Variants in CDCP1 observed in about 807,000 individuals in gnomAD.
CDCP1 encodes the protein CUB domain containing protein 1, also known as CUB domain-containing protein 1.
Under a neutral mutation model 60.2 loss-of-function variants are expected in CDCP1, and 29 were observed. That is an observed-to-expected ratio of 0.48 (90% CI 0.36 to 0.66). CDCP1 has a LOEUF of 0.66. Ranked by LOEUF, CDCP1 falls within the 30% of genes least tolerant of loss-of-function variation. The pLI is 0.00. For synonymous variants in CDCP1, 387 were observed against 431.1 expected, an observed-to-expected ratio of 0.90 and a Z score of 1.27; for missense variants, 876 against 1,074.3, an observed-to-expected ratio of 0.82 and a Z score of 2.58.
Position 45,118,399 on chromosome 3 carries a change from A to G in CDCP1, c.292+13T>C. On this transcript the variant is annotated intron_variant, in intron 2 of 8. Coordinates refer to ENST00000296129, the MANE Select transcript of CDCP1 (RefSeq NM_022842.5). ...AAAAGACATTGTCAAACAGCTCACA[A>G]GTGTCTACTTACCAATATTTTTCTG... 2 of 1,590,490 alleles carry G rather than the reference A, an allele frequency of 1.3e-6. No individual in the cohort carries two copies. The highest frequency in any genetic ancestry group is 1.7e-6 in the Non-Finnish European group (2 of 1,158,392).
intron 2 of CDCP1, among the ~76,000 whole-genome samples, chr3:45,117,628 G>A (rs999223059): frequency 3.5e-5 from 5 of 143,208 alleles, no homozygotes; most frequent in South Asian, 2.2e-4. Context: ...ACGTAGTCTC[G>A]CTCTGTCACC....
chr3:45,111,046 G>A (rs372323749), intron 3 of CDCP1, among the ~76,000 whole-genome samples: 13 of 152,134 alleles, frequency 8.5e-5, no homozygotes, highest in African/African-American at 2.7e-4. Flanking sequence ...ATTAAAAACC[G>A]GTCCAGTGGT....
At chr3:45,125,571 G>A (rs1390783731) in intron 1 of CDCP1, among the ~76,000 whole-genome samples, 1 of 152,224 alleles carries the variant, frequency 6.6e-6, no homozygotes, top group Non-Finnish European at 1.5e-5. Flanking sequence ...TGTTAGTATT[G>A]TTGATATTAT....
In CDCP1 at chr3:45,091,210, G is replaced by T; in HGVS notation, c.1956C>A (p.Asp652Glu). The change falls in exon 7 of 9, where the codon GAC becomes GAA. Residue 652 changes from aspartate to glutamate, a missense_variant. By Grantham distance (45) the Asp-to-Glu change is conservative. This residue lies in a region of CDCP1 where 726 missense variants were observed against 935.7 expected (regional missense o/e 0.78). Transcript: ENST00000296129. The surrounding 1 kb of genome is among the most constrained non-coding windows in gnomAD (Gnocchi z 4.8). ...NCSPTSGKQL[D>E]LLFSVTLTPR... is the part of the protein sequence containing the mutation. ...GGGTAAGTGTCACCGAGAAGAGCAG[G>T]TCTAGCTGCTTGCCGCTCGTGGGGC... 1 of 1,613,848 alleles carries T rather than the reference G, an allele frequency of 6.2e-7. No homozygotes were observed. The highest frequency in any genetic ancestry group is 8.5e-7 in the Non-Finnish European group (1 of 1,180,012).
At position 45,093,480 on chromosome 3, in the gene CDCP1, G is replaced by T. The variant is rs557807111; in HGVS notation, c.1424C>A (p.Pro475His). 5 of 1,614,074 alleles carry T rather than the reference G, an allele frequency of 3.1e-6. No homozygotes were observed. Among genetic ancestry groups the T allele is most frequent in the Non-Finnish European group, 8.5e-7 (1 of 1,179,928 alleles). Residue 475 changes from proline (P) to histidine (H), a missense_variant, in exon 6 of 9, where the codon CCC becomes CAC. By Grantham distance (77) the Pro-to-His change is moderately conservative (BLOSUM62 -2). Coordinates refer to ENST00000296129, the MANE Select transcript of CDCP1 (RefSeq NM_022842.5). ...QKLQQHTHEK[P>H]CNTSFSYLVA... ...GAGGTAGCTGAAGCTGGTGTTGCAG[G>T]GCTTCTCGTGTGTATGCTGCTGCAG... is the stretch of plus-strand genomic sequence containing the variant.
intron 2 of CDCP1, among the ~76,000 whole-genome samples, chr3:45,118,037 C>G (rs1029388393): frequency 6.6e-6 from 1 of 152,160 alleles, no homozygotes; most frequent in African/African-American, 2.4e-5. Context: ...CATCACAGAC[C>G]TGAAGATCTG....
At chr3:45,090,200 C>T (rs976737411) in intron 7 of CDCP1, among the ~76,000 whole-genome samples, 2 of 152,126 alleles carry the variant, frequency 1.3e-5, no homozygotes, top group African/African-American at 4.8e-5. Flanking sequence ...CACTCTGACC[C>T]CCAGAAAGGG....
At chr3:45,125,799 C>T (rs1559398556) in intron 1 of CDCP1, among the ~76,000 whole-genome samples, 1 of 152,216 alleles carries the variant, frequency 6.6e-6, no homozygotes, top group Non-Finnish European at 1.5e-5. Context: ...GTATGAGTGC[C>T]TCCTTAAATT....
At chr3:45,107,628 A>C (rs550773160) in intron 4 of CDCP1, among the ~76,000 whole-genome samples, 3 of 152,262 alleles carry the variant, frequency 2.0e-5, no homozygotes, top group Non-Finnish European at 4.4e-5. Flanking sequence ...CAACACCCCG[A>C]TGAGGACAGT....
intron 8 of CDCP1, among the ~76,000 whole-genome samples, chr3:45,086,921 C>A (rs2125988295): frequency 6.6e-6 from 1 of 152,306 alleles, no homozygotes; most frequent in African/African-American, 2.4e-5. Flanking sequence ...CCATATAAGG[C>A]ACAGGCTGGC....
chr3:45,145,547 G>T (rs149980683), intron 1 of CDCP1, among the ~76,000 whole-genome samples: 16 of 152,312 alleles, frequency 1.1e-4, no homozygotes, highest in African/African-American at 3.6e-4. Context: ...AGGGGCGCGG[G>T]AATGTCCAGT....
chr3:45,140,891 TA>T lies in CDCP1; in HGVS notation c.82+5314del, dbSNP rs1182733459. Among the ~76,000 whole-genome samples the T allele has an allele frequency of 2.0e-5, 3 of 152,188 alleles. No homozygotes were observed. In the East Asian group the frequency reaches 5.8e-4, roughly 29 times the overall value. On this transcript the variant is annotated intron_variant, in intron 1 of 8. Coordinates refer to ENST00000296129, the MANE Select transcript of CDCP1 (RefSeq NM_022842.5). ...AGAAAGTCTTTACTTATATTCCAAA[TA>T]CACTAGGATCAAGAATGTCAGGATC... is the stretch of plus-strand genomic sequence containing the variant.
chr3:45,132,120 C>T (rs1005623758), intron 1 of CDCP1, among the ~76,000 whole-genome samples: 2 of 151,940 alleles, frequency 1.3e-5, no homozygotes, highest in African/African-American at 2.4e-5. Context: ...CCTGTAATCC[C>T]AGCTACTCGG....
intron 4 of CDCP1, among the ~76,000 whole-genome samples, chr3:45,108,681 CT>C (rs1254524639): frequency 7.2e-6 from 1 of 138,646 alleles, no homozygotes; most frequent in Non-Finnish European, 1.6e-5. Flanking sequence ...CACACACACA[CT>C]ATATATATAT....
At chr3:45,107,593 A>G (rs1056658075) in intron 4 of CDCP1, among the ~76,000 whole-genome samples, 9 of 152,144 alleles carry the variant, frequency 5.9e-5, no homozygotes, top group Admixed American at 2.6e-4. Context: ...CCTGCCAGGC[A>G]CTGTGCTACC....
chr3:45,111,986 T>C, intron 3 of CDCP1, 97 bp downstream of exon 3: 2 of 1,427,698 alleles, frequency 1.4e-6, no homozygotes, highest in Non-Finnish European at 1.9e-6. Context: ...TTATATTGAG[T>C]ATTAGAGATT....
intron 3 of CDCP1, among the ~76,000 whole-genome samples, chr3:45,111,403 C>A (rs1297088747): frequency 6.6e-6 from 1 of 152,224 alleles, no homozygotes; most frequent in Admixed American, 6.5e-5. Flanking sequence ...CTGCCAGGTG[C>A]AGTGGCTCAT....
At position 45,121,049 on chromosome 3, in the gene CDCP1, C is replaced by T. The variant is rs550360446; in HGVS notation, c.83-2428G>A. On this transcript the variant is annotated intron_variant, in intron 1 of 8. Transcript: ENST00000296129. ...GCCTGATCCCCACGAGGAGACAAAA[C>T]GTTTTAAGCCCCAAAACAACTCCAT... 5.3e-4 allele frequency among the ~76,000 whole-genome samples: 81 copies of T among 152,286 alleles called. 1 individual carries two copies. Among genetic ancestry groups the T allele is most frequent in the African/African-American group, 1.7e-3 (72 of 41,570 alleles).
chr3:45,089,089 A>G lies in CDCP1; in HGVS notation c.2046T>C (p.Ser682=), dbSNP rs1698247611. ...CACAGCAAATGATGAGCCCGAGGGC[A>G]GACAGCAGTAAGACTCCACCTCCCA... The part of the protein sequence containing the change: ...AAVGGGVLLL[S]ALGLIICCVK... The change falls in exon 8 of 9, where the codon TCT becomes TCC. Residue 682 remains serine, a synonymous_variant. Transcript: ENST00000296129. 6.2e-7 allele frequency: 1 copy of G among 1,614,090 alleles called. No homozygotes were observed. The highest frequency in any genetic ancestry group is 1.3e-5 in the African/African-American group (1 of 74,940).
Sources: allele counts gnomAD v4.1 joint callset (sites outside exome capture counted in the v4.1 genomes callset), GRCh38; gene constraint gnomAD v4.1.1; regional missense constraint gnomAD v4.1.1; non-coding constraint Gnocchi (gnomAD v3.1); transcripts MANE v1.5; gene names NCBI Gene and HGNC (gene_info 2026-07-23, HGNC 2026-07-21).